CCSER2: variants seen among roughly 807,000 people sequenced by gnomAD.
The protein encoded by CCSER2 is serine-rich coiled-coil domain-containing protein 2.
In CCSER2, 46 loss-of-function variants were observed where a neutral mutation model predicts 92.3. The ratio of observed to expected loss-of-function variants is 0.50; its 90% CI spans 0.39 to 0.64. The LOEUF (loss-of-function observed/expected upper bound fraction) is 0.64, where lower values mean the gene tolerates loss of function less well. Among genes scored for constraint, CCSER2 ranks in the 30% least tolerant of loss-of-function variants. The probability of loss-of-function intolerance (pLI) is 0.00; values close to 1 mark genes in which losing one functional copy is unlikely to be tolerated. For missense variants in CCSER2, 1,244 were observed against 1,238.9 expected (o/e 1.00, Z -0.06); for synonymous variants, 433 against 431.4 (o/e 1.00, Z -0.04).
In CCSER2 at chr10:84,501,834, A is replaced by AAAAAAT. The variant is rs1167460274; in HGVS notation, c.2326-11614_2326-11613insAAAATA. On this transcript the variant is annotated intron_variant, in intron 9 of 9. Transcript: ENST00000372088. The stretch of plus-strand genomic sequence containing the variant: ...TTAGTCATCTAGGGAAAAAAAAAAA[A>AAAAAAT]ATATATATATATATATATATATATA... 2.0e-4 allele frequency among the ~76,000 whole-genome samples: 8 copies of AAAAAAT among 40,170 alleles called. 1 individual carries two copies. Among genetic ancestry groups the AAAAAAT allele is most frequent in the Admixed American group, 4.0e-4 (1 of 2,520 alleles). The allele number at this position is 40,170 out of a possible 152,430, so 26.4% of individuals were successfully genotyped here.
intron 6 of CCSER2, among the ~76,000 whole-genome samples, chr10:84,445,894 C>G: frequency 6.6e-6 from 1 of 151,948 alleles, no homozygotes; most frequent in East Asian, 1.9e-4. Context: ...TTATTATGAA[C>G]AGTTTTGCTG....
chr10:84,391,870 A>T, intron 3 of CCSER2: 4 of 1,459,768 alleles, frequency 2.7e-6, no homozygotes, highest in Non-Finnish European at 9.6e-7. Context: ...CCAAGATTTT[A>T]TATTTTTTTG....
chr10:84,490,212 T>C (rs554597492), intron 9 of CCSER2, among the ~76,000 whole-genome samples: 2 of 152,198 alleles, frequency 1.3e-5, no homozygotes, highest in South Asian at 2.1e-4. Context: ...CTGACAATTA[T>C]GTGTCTTGGA....
At chr10:84,431,625 C>A (rs568991629) in intron 5 of CCSER2, among the ~76,000 whole-genome samples, 1 of 152,032 alleles carries the variant, frequency 6.6e-6, no homozygotes, top group South Asian at 2.1e-4. Context: ...GTCTATAGTC[C>A]CATCTACTTG....
At chr10:84,467,607 T>C (rs1846525978) in intron 7 of CCSER2, among the ~76,000 whole-genome samples, 1 of 152,104 alleles carries the variant, frequency 6.6e-6, no homozygotes, top group African/African-American at 2.4e-5. Flanking sequence ...TGAAGAAACC[T>C]CAAGATCTCT....
chr10:84,417,545 T>C (rs190658422), intron 3 of CCSER2, among the ~76,000 whole-genome samples: 17 of 152,244 alleles, frequency 1.1e-4, no homozygotes, highest in Admixed American at 7.9e-4. Flanking sequence ...TAAAAATCTA[T>C]TGGGGAGGAA....
chr10:84,513,728 G>A lies in CCSER2; in HGVS notation c.2605G>A (p.Glu869Lys). 1 of 1,537,840 alleles carries A rather than the reference G, an allele frequency of 6.5e-7. No homozygotes were observed. Among genetic ancestry groups the A allele is most frequent in the Non-Finnish European group, 8.7e-7 (1 of 1,147,074 alleles). The change falls in exon 10 of 10, where the codon GAG (glutamate) becomes AAG (lysine). Residue 869 changes from glutamate to lysine, a missense_variant. Transcript: ENST00000372088. The part of the protein sequence containing the change: ...ANLNITVNAQ[E>K]PYHLANNQIS... ...CTTAAACATTACTGTAAATGCTCAA[G>A]AGCCTTATCATTTGGCAAACAATCA...
At chr10:84,413,233 G>T (rs1483850653) in intron 3 of CCSER2, among the ~76,000 whole-genome samples, 1 of 151,320 alleles carries the variant, frequency 6.6e-6, no homozygotes, top group Non-Finnish European at 1.5e-5. Flanking sequence ...CCTTTTAGTT[G>T]TGATGTTAGG....
chr10:84,405,149 G>T (rs1311821883), intron 3 of CCSER2, among the ~76,000 whole-genome samples: 1 of 152,160 alleles, frequency 6.6e-6, no homozygotes, highest in Non-Finnish European at 1.5e-5. Context: ...CGTAATAGAG[G>T]CTCCAGAAAA....
intron 1 of CCSER2, among the ~76,000 whole-genome samples, chr10:84,352,781 G>A (rs1185357932): frequency 6.6e-6 from 1 of 151,840 alleles, no homozygotes; most frequent in East Asian, 1.9e-4. Context: ...AGGAGGTTAA[G>A]GTTAAGATGC....
rs773123575 is a variant in CCSER2, at chr10:84,515,737, T to G, written c.*1470T>G. ...TGAAAGACAATTTTTTAAAGGTAGA[T>G]TTGGGAAAAAAATAGAATTGAAGAT... On this transcript the variant is annotated 3_prime_UTR_variant, in exon 10 of 10. Transcript: ENST00000372088. 3 of 152,156 alleles carry G rather than the reference T, an allele frequency of 2.0e-5. No individual in the cohort carries two copies. The highest frequency in any genetic ancestry group is 4.4e-5 in the Non-Finnish European group (3 of 68,022). The allele number at this position is 152,156 out of a possible 1,614,324, so 9.4% of individuals were successfully genotyped here. A position where few individuals can be genotyped will look rare whatever the true frequency, so the allele number is the denominator to read the frequency against.
intron 3 of CCSER2, among the ~76,000 whole-genome samples, chr10:84,394,382 A>AGTTGTGTGT: frequency 1.1e-5 from 1 of 91,268 alleles, no homozygotes; most frequent in South Asian, 4.9e-4. Context: ...ACAAAAGGAA[A>AGTTGTGTGT]GTATGTGTGT....
intron 3 of CCSER2, among the ~76,000 whole-genome samples, chr10:84,375,477 C>T (rs1336234186): frequency 3.3e-5 from 5 of 150,296 alleles, no homozygotes; most frequent in East Asian, 1.9e-4. Flanking sequence ...TCTGAAGTTA[C>T]GTGAATTTTT....
chr10:84,427,185 G>T (rs964212562), intron 5 of CCSER2, among the ~76,000 whole-genome samples: 7 of 152,144 alleles, frequency 4.6e-5, no homozygotes, highest in Non-Finnish European at 5.9e-5. Flanking sequence ...ATTCTTAGGG[G>T]TTGCTAATTT....
chr10:84,499,878 G>T, intron 9 of CCSER2: 3 of 1,613,938 alleles, frequency 1.9e-6, no homozygotes, highest in Non-Finnish European at 2.5e-6. Flanking sequence ...TGCACAGGGT[G>T]GGTATTCTGC....
At chr10:84,422,580 G>T (rs1230649751) in intron 4 of CCSER2, among the ~76,000 whole-genome samples, 1 of 152,104 alleles carries the variant, frequency 6.6e-6, no homozygotes, top group East Asian at 1.9e-4. Context: ...TTAGGGCCCA[G>T]TCTCACCTGC....
At chr10:84,496,580 C>T (rs374785263) in intron 9 of CCSER2, among the ~76,000 whole-genome samples, 2 of 151,838 alleles carry the variant, frequency 1.3e-5, no homozygotes, top group East Asian at 1.9e-4. Flanking sequence ...CCACCGCGCC[C>T]GGCCTTCCCA....
In CCSER2 at chr10:84,514,498, T is replaced by C. The variant is rs3763768; in HGVS notation, c.*231T>C. 0.065 allele frequency: 33,173 copies of C among 512,288 alleles called. 1,357 individuals carry two copies. The highest frequency in any genetic ancestry group is 0.11 in the Admixed American group (2,873 of 26,762). 31.7% of individuals were successfully genotyped at this position (512,288 alleles called of 1,614,324 possible). On this transcript the variant is annotated 3_prime_UTR_variant, in exon 10 of 10. Transcript: ENST00000372088. ...GTAAACACGAAAGTTTGCTTACCCA[T>C]TTCAGAGGCCTGCCAAAGGCCCAAA...
At position 84,372,428 on chromosome 10, in the gene CCSER2, C is replaced by T. The variant is rs752613460; in HGVS notation, c.1376C>T (p.Ala459Val). ...MFDSPKENEKAFSKTDEWIDI... is the reference protein window; with the variant it reads ...MFDSPKENEKVFSKTDEWIDI... Reference sequence around the variant, plus strand: ...GATTCCCCCAAGGAAAATGAAAAAGCCTTCAGTAAAACTGATGAATGGATA... The same window carrying T: ...GATTCCCCCAAGGAAAATGAAAAAGTCTTCAGTAAAACTGATGAATGGATA... The change falls in exon 2 of 10, where the codon GCC (alanine) becomes GTC (valine). Residue 459 changes from alanine (A) to valine (V), a missense_variant. Coordinates refer to ENST00000372088, the MANE Select transcript of CCSER2 (RefSeq NM_001284240.2). 1.3e-6 allele frequency: 2 copies of T among 1,585,054 alleles called. No individual in the cohort carries two copies. Among genetic ancestry groups the T allele is most frequent in the Admixed American group, 1.9e-5 (1 of 51,522 alleles).
Sources: allele counts gnomAD v4.1 joint callset (sites outside exome capture counted in the v4.1 genomes callset), GRCh38; gene constraint gnomAD v4.1.1; transcripts MANE v1.5; gene names NCBI Gene and HGNC (gene_info 2026-07-23, HGNC 2026-07-21).